Variants in RPS6KC1 observed in about 807,000 individuals in gnomAD.
RPS6KC1 encodes ribosomal protein S6 kinase C1.
A neutral mutation model predicts 103.8 loss-of-function variants in RPS6KC1; 54 were observed. The observed-to-expected ratio is 0.52, with a 90% CI of 0.42 to 0.65. RPS6KC1 has a LOEUF of 0.65. RPS6KC1 is among the 30% of genes least tolerant of loss of function. RPS6KC1 has a pLI of 0.00. For synonymous variants in RPS6KC1, 439 were observed against 438.7 expected (o/e 1.00, Z -0.01); for missense variants, 1,151 against 1,253.8 (o/e 0.92, Z 1.24).
At chr1:213,052,525 A>G (rs929308895) in intron 1 of RPS6KC1, among the ~76,000 whole-genome samples, 1 of 152,146 alleles carries the variant, frequency 6.6e-6, no homozygotes, top group African/African-American at 2.4e-5. Context: ...TGGAGGATGT[A>G]AAGCAGGCCT....
At chr1:213,501,762 T>G in the RPS6KC1 span, among the ~76,000 whole-genome samples, 43 of 150,692 alleles carry the variant, frequency 2.9e-4, no homozygotes, top group African/African-American at 1.0e-3. Context: ...AAAAGAAAAA[T>G]AATTGTTGGA....
At chr1:213,272,386 A>C (rs1481457952) in intron 14 of RPS6KC1, 138 bp from the exon 15 acceptor site, 6 of 651,298 alleles carry the variant, frequency 9.2e-6, no homozygotes, top group African/African-American at 1.8e-5. Flanking sequence ...CTCCCTTTCA[A>C]GAAAAATGGT....
the RPS6KC1 span, among the ~76,000 whole-genome samples, chr1:213,716,597 A>G: frequency 6.6e-6 from 1 of 152,352 alleles, no homozygotes; most frequent in African/African-American, 2.4e-5. Flanking sequence ...CAAAAGATGT[A>G]AACAATATTT....
At chr1:213,116,231 G>A (rs1438432957) in intron 4 of RPS6KC1, among the ~76,000 whole-genome samples, 5 of 151,816 alleles carry the variant, frequency 3.3e-5, no homozygotes, top group African/African-American at 9.7e-5. Context: ...ATGAATCTGG[G>A]TGCTCCTGTA....
intron 1 of RPS6KC1, among the ~76,000 whole-genome samples, chr1:213,060,289 G>T (rs531285409): frequency 1.8e-4 from 27 of 152,334 alleles, no homozygotes; most frequent in African/African-American, 6.3e-4. Flanking sequence ...AAGGCAGTGG[G>T]AGTTGTTAGA....
the RPS6KC1 span, among the ~76,000 whole-genome samples, chr1:213,600,181 C>A: frequency 6.6e-6 from 1 of 152,160 alleles, no homozygotes; most frequent in Non-Finnish European, 1.5e-5. Context: ...TGAGGCCTCC[C>A]CAGCCATGTG....
At chr1:213,840,709 G>T in the RPS6KC1 span, 1 of 151,942 alleles carries the variant, frequency 6.6e-6, no homozygotes, top group African/African-American at 2.4e-5. Context: ...ACAGATGTTT[G>T]CATTAAAAAA....
chr1:213,224,416 G>A (rs2093912210), intron 8 of RPS6KC1, among the ~76,000 whole-genome samples: 1 of 151,984 alleles, frequency 6.6e-6, no homozygotes, highest in South Asian at 2.1e-4. Context: ...TATTAGTATG[G>A]GCAAAGATGA....
chr1:213,586,719 A>G, the RPS6KC1 span, among the ~76,000 whole-genome samples: 1 of 152,152 alleles, frequency 6.6e-6, no homozygotes, highest in Non-Finnish European at 1.5e-5. Flanking sequence ...TTTGGCCTCA[A>G]AACAAGGAAG....
At chr1:213,176,609 C>T (rs1353451914) in intron 8 of RPS6KC1, 117 bp downstream of exon 8, 3 of 600,184 alleles carry the variant, frequency 5.0e-6, no homozygotes, top group African/African-American at 1.8e-5. Context: ...GACTCAAATG[C>T]ATGTGCACTT....
At chr1:213,314,087 C>G in the RPS6KC1 span, among the ~76,000 whole-genome samples, 1 of 152,108 alleles carries the variant, frequency 6.6e-6, no homozygotes, top group Admixed American at 6.5e-5. Context: ...CCTCTTCCAG[C>G]TTCTGGGGGT....
chr1:213,417,760 A>T, the RPS6KC1 span, among the ~76,000 whole-genome samples: 1 of 152,170 alleles, frequency 6.6e-6, no homozygotes, highest in African/African-American at 2.4e-5. Flanking sequence ...GAGGATGAAC[A>T]GGAGAGGTTG....
chr1:213,490,099 C>T, the RPS6KC1 span, among the ~76,000 whole-genome samples: 1 of 152,118 alleles, frequency 6.6e-6, no homozygotes, highest in African/African-American at 2.4e-5. Flanking sequence ...ATCCTGGCAA[C>T]AGAGTAACAG....
intron 14 of RPS6KC1, among the ~76,000 whole-genome samples, chr1:213,263,512 A>G (rs2094845582): frequency 6.6e-6 from 1 of 152,234 alleles, no homozygotes; most frequent in Non-Finnish European, 1.5e-5. Context: ...AGCAGGAACA[A>G]GAAGGCCTGG....
At chr1:213,201,993 A>G (rs1458508325) in intron 8 of RPS6KC1, among the ~76,000 whole-genome samples, 16 of 152,164 alleles carry the variant, frequency 1.1e-4, no homozygotes, top group Admixed American at 9.2e-4. Context: ...TTAGGATTAC[A>G]TATTATGTGT....
At chr1:213,780,263 A>G in the RPS6KC1 span, among the ~76,000 whole-genome samples, 2 of 152,206 alleles carry the variant, frequency 1.3e-5, no homozygotes, top group Non-Finnish European at 2.9e-5. Context: ...ATATAAGTCC[A>G]CAAGTTCACG....
intron 4 of RPS6KC1, among the ~76,000 whole-genome samples, chr1:213,114,035 C>T (rs1016520384): frequency 4.6e-5 from 7 of 151,744 alleles, no homozygotes; most frequent in Admixed American, 6.6e-5. Flanking sequence ...ATTGACTTGG[C>T]GATGTGGGCT....
chr1:213,491,253 G>C, the RPS6KC1 span, among the ~76,000 whole-genome samples: 1 of 152,138 alleles, frequency 6.6e-6, no homozygotes, highest in Non-Finnish European at 1.5e-5. Flanking sequence ...CTGAAAGAAG[G>C]CTTTAATGGA....
At chr1:213,243,911 C>A (rs2094408386) in intron 12 of RPS6KC1, among the ~76,000 whole-genome samples, 1 of 152,144 alleles carries the variant, frequency 6.6e-6, no homozygotes, top group Non-Finnish European at 1.5e-5. Context: ...TTTCTAGTTA[C>A]AACTTTCATT....
Sources: gnomAD v4.1 joint callset for allele counts (sites outside exome capture counted in the v4.1 genomes callset) on GRCh38, gnomAD v4.1.1 for gene constraint, MANE v1.5 for transcripts, NCBI Gene and HGNC (gene_info 2026-07-23, HGNC 2026-07-21) for gene names.